Variants in SETBP1 observed in about 807,000 individuals in gnomAD.
The protein encoded by SETBP1 is SET-binding protein.
A neutral mutation model predicts 101.0 loss-of-function variants in SETBP1; 9 were observed. The observed-to-expected ratio is 0.09, with a 90% CI of 0.05 to 0.16. The LOEUF (loss-of-function observed/expected upper bound fraction) is 0.16, where lower values mean the gene tolerates loss of function less well. Ranked by LOEUF, SETBP1 falls within the 10% of genes least tolerant of loss-of-function variation. The pLI, the probability that SETBP1 is intolerant of heterozygous loss-of-function variation, is 1.00. For synonymous variants in SETBP1, 818 were observed against 788.5 expected, an observed-to-expected ratio of 1.04 and a Z score of -0.63; for missense variants, 1,858 against 2,033.8, an observed-to-expected ratio of 0.91 and a Z score of 1.66.
chr18:44,995,436 C>T (rs114362728), intron 4 of SETBP1, among the ~76,000 whole-genome samples: 2,976 of 151,996 alleles, frequency 0.02, 99 homozygotes, highest in African/African-American at 0.068. Flanking sequence ...CCACTGCGCC[C>T]AGTCATTATT....
chr18:44,767,241 C>A (rs1419339577), intron 2 of SETBP1, among the ~76,000 whole-genome samples: 1 of 152,246 alleles, frequency 6.6e-6, no homozygotes, highest in African/African-American at 2.4e-5. Context: ...TCCTCCTTCC[C>A]AAGGTTCTAC....
intron 4 of SETBP1, among the ~76,000 whole-genome samples, chr18:45,004,593 C>G (rs1338152859): frequency 6.6e-6 from 1 of 152,190 alleles, no homozygotes; most frequent in African/African-American, 2.4e-5. Context: ...GGGTTAGGAC[C>G]AGGTGTCCTG....
At chr18:44,692,667 G>A (rs1427692822) in intron 1 of SETBP1, among the ~76,000 whole-genome samples, 1 of 152,208 alleles carries the variant, frequency 6.6e-6, no homozygotes, top group Non-Finnish European at 1.5e-5. Context: ...GCAAGACCGT[G>A]CGTGTGTGTG....
At chr18:44,978,521 C>T (rs2072040946) in intron 4 of SETBP1, among the ~76,000 whole-genome samples, 1 of 152,152 alleles carries the variant, frequency 6.6e-6, no homozygotes, top group Non-Finnish European at 1.5e-5. Context: ...GCTTTATCTG[C>T]CATGATTCTT....
At chr18:45,037,800 T>A (rs2073426889) in intron 4 of SETBP1, among the ~76,000 whole-genome samples, 1 of 152,140 alleles carries the variant, frequency 6.6e-6, no homozygotes, top group African/African-American at 2.4e-5. Flanking sequence ...TCAGCTCTCC[T>A]TACCCTACAG....
At chr18:44,844,586 G>T (rs1220295169) in intron 2 of SETBP1, among the ~76,000 whole-genome samples, 4 of 152,200 alleles carry the variant, frequency 2.6e-5, no homozygotes, top group African/African-American at 7.2e-5. Context: ...TTGGAGGTCA[G>T]TTTGGATTGC....
intron 3 of SETBP1, among the ~76,000 whole-genome samples, chr18:44,877,656 C>T (rs1330273289): frequency 6.6e-6 from 1 of 152,188 alleles, no homozygotes; most frequent in South Asian, 2.1e-4. Context: ...ATACATACAC[C>T]TCACACTGAA....
intron 1 of SETBP1, chr18:44,697,265 T>C (rs78521117): frequency 6.6e-6 from 1 of 152,328 alleles, no homozygotes; most frequent in African/African-American, 2.4e-5. Flanking sequence ...GAGCTGTGAA[T>C]TTGGGGAGGC....
At chr18:44,811,550 T>TA (rs774637991) in intron 2 of SETBP1, among the ~76,000 whole-genome samples, 1 of 152,258 alleles carries the variant, frequency 6.6e-6, no homozygotes. Context: ...TATGACTCTG[T>TA]AACCTGTACC....
chr18:44,730,920 T>C (rs368807676), intron 2 of SETBP1, among the ~76,000 whole-genome samples: 2 of 152,306 alleles, frequency 1.3e-5, no homozygotes, highest in Non-Finnish European at 1.5e-5. Context: ...TGGATCGGCC[T>C]AGTAGTGATA....
At chr18:44,755,289 G>A (rs1186711281) in intron 2 of SETBP1, among the ~76,000 whole-genome samples, 2 of 152,184 alleles carry the variant, frequency 1.3e-5, no homozygotes, top group Admixed American at 1.3e-4. Context: ...CAGATGGCTG[G>A]TGAAACATTG....
intron 3 of SETBP1, among the ~76,000 whole-genome samples, chr18:44,903,701 T>A (rs547127047): frequency 6.6e-6 from 1 of 152,304 alleles, no homozygotes; most frequent in South Asian, 2.1e-4. Flanking sequence ...AGTATCTTCA[T>A]CCCCAGGGTA....
At chr18:45,014,537 G>A (rs1460083926) in intron 4 of SETBP1, among the ~76,000 whole-genome samples, 1 of 152,202 alleles carries the variant, frequency 6.6e-6, no homozygotes, top group Admixed American at 6.5e-5. Context: ...CTGGGAAAGT[G>A]CTCTGGCCTA....
At chr18:44,846,403 T>C (rs568035737) in intron 2 of SETBP1, among the ~76,000 whole-genome samples, 68 of 152,318 alleles carry the variant, frequency 4.5e-4, no homozygotes, top group Admixed American at 1.4e-3. Flanking sequence ...AAGAAACTCA[T>C]ACTCATTTTC....
chr18:45,023,127 C>T (rs1300572694), intron 4 of SETBP1, among the ~76,000 whole-genome samples: 1 of 152,114 alleles, frequency 6.6e-6, no homozygotes, highest in East Asian at 1.9e-4. Flanking sequence ...ATACTGGTTG[C>T]CTTGTTACTT....
chr18:44,789,063 A>G (rs962052747), intron 2 of SETBP1, among the ~76,000 whole-genome samples: 2 of 152,074 alleles, frequency 1.3e-5, no homozygotes, highest in African/African-American at 2.4e-5. Flanking sequence ...TTGACCTCCC[A>G]AAGTGTGGGG....
intron 1 of SETBP1, among the ~76,000 whole-genome samples, chr18:44,696,074 G>A (rs2069013150): frequency 6.6e-6 from 1 of 152,144 alleles, no homozygotes; most frequent in Non-Finnish European, 1.5e-5. Context: ...AGAAGAGGGA[G>A]GTGAATAAAT....
At chr18:45,009,880 T>G (rs2072803282) in intron 4 of SETBP1, among the ~76,000 whole-genome samples, 1 of 152,158 alleles carries the variant, frequency 6.6e-6, no homozygotes, top group Non-Finnish European at 1.5e-5. Context: ...TCATGCCTCC[T>G]GCTAGCCCTG....
At chr18:44,849,469 T>C (rs2072801002) in intron 2 of SETBP1, among the ~76,000 whole-genome samples, 1 of 152,210 alleles carries the variant, frequency 6.6e-6, no homozygotes, top group South Asian at 2.1e-4. Flanking sequence ...GCCCTAATGT[T>C]TCCTTCAGCA....
Sources: gnomAD v4.1 joint callset for allele counts (sites outside exome capture counted in the v4.1 genomes callset) on GRCh38, gnomAD v4.1.1 for gene constraint, MANE v1.5 for transcripts, NCBI Gene and HGNC (gene_info 2026-07-23, HGNC 2026-07-21) for gene names.